The following MEGF6 variants were observed in gnomAD, a reference collection of about 807,000 sequenced individuals.
MEGF6 encodes the protein multiple epidermal growth factor-like domains protein 6.
In MEGF6, 184 loss-of-function variants were observed where a neutral mutation model predicts 207.1. That is an observed-to-expected ratio of 0.89 (90% CI 0.79 to 1.00). The LOEUF (loss-of-function observed/expected upper bound fraction) is 1.00, where lower values mean the gene tolerates loss of function less well. Among genes scored for constraint, MEGF6 ranks in the 50% least tolerant of loss-of-function variants. MEGF6 has a pLI of 0.00. For missense variants in MEGF6, 2,282 were observed against 2,202.9 expected (o/e 1.04, Z -0.72); for synonymous variants, 1,038 against 910.0 (o/e 1.14, Z -2.53).
chr1:3,585,451 G>T (rs1245767718), intron 3 of MEGF6, among the ~76,000 whole-genome samples: 1 of 150,528 alleles, frequency 6.6e-6, no homozygotes, highest in African/African-American at 2.5e-5. Flanking sequence ...CGCATGTCCT[G>T]TGTGTGGGTG....
chr1:3,510,169 C>T (rs1465710571), intron 10 of MEGF6, among the ~76,000 whole-genome samples, 177 bp from the exon 11 acceptor site: 1 of 152,152 alleles, frequency 6.6e-6, no homozygotes, highest in Non-Finnish European at 1.5e-5. Context: ...CTCTGGCCAT[C>T]CTCCCAGCCC....
chr1:3,494,672 T>C lies in MEGF6; in HGVS notation c.3941A>G (p.His1314Arg), dbSNP rs1431388826. Reference sequence around the variant, plus strand: ...ACAGGAGCAGCTGCCGTTGCTGGCGTGGCACAGGCCCCCATTTCTGCAGGA... The same window carrying C: ...ACAGGAGCAGCTGCCGTTGCTGGCGCGGCACAGGCCCCCATTTCTGCAGGA... Reference protein sequence around the residue: ...TCSCRNGGLCHASNGSCSCGL... With the variant: ...TCSCRNGGLCRASNGSCSCGL... Residue 1314 changes from histidine to arginine, a missense_variant, in exon 31 of 37, where the codon CAC becomes CGC. By Grantham distance (29) the His-to-Arg change is conservative. Coordinates refer to ENST00000356575, the MANE Select transcript of MEGF6 (RefSeq NM_001409.4). 6.4e-7 allele frequency: 1 copy of C among 1,570,174 alleles called. No homozygotes were observed. Among genetic ancestry groups the C allele is most frequent in the South Asian group, 1.2e-5 (1 of 85,488 alleles).
chr1:3,506,482 G>C (rs1214621203), intron 14 of MEGF6, among the ~76,000 whole-genome samples: 6 of 152,188 alleles, frequency 3.9e-5, no homozygotes, highest in Admixed American at 2.6e-4. Context: ...CCACACTGGA[G>C]AGATGCACAA....
chr1:3,493,774 G>C lies in MEGF6; in HGVS notation c.4384C>G (p.Leu1462Val), dbSNP rs1012071787. 4.3e-6 allele frequency: 7 copies of C among 1,612,122 alleles called. No homozygotes were observed. The highest frequency in any genetic ancestry group is 2.2e-5 in the East Asian group (1 of 44,866). Residue 1462 changes from leucine (L) to valine (V), a missense_variant, in exon 34 of 37, where the codon CTG (leucine) becomes GTG (valine). By Grantham distance (32) the Leu-to-Val change is conservative. Coordinates refer to ENST00000356575, the MANE Select transcript of MEGF6 (RefSeq NM_001409.4). ...CTGGGCAGGACCCCAGACTCACCCAGGTTACAGGTGGCTCCTGAGCGCCCT... is the reference window on the plus strand; with the variant it reads ...CTGGGCAGGACCCCAGACTCACCCACGTTACAGGTGGCTCCTGAGCGCCCT... The part of the protein sequence containing the change: ...PPGRSGATCN[L>V]DCRRGQFGPS...
rs748316779 is a variant in MEGF6 at position 3,488,480 on chromosome 1, A to G, written c.*2048T>C. On this transcript the variant is annotated 3_prime_UTR_variant, in exon 37 of 37. Transcript: ENST00000356575. ...GCCATTTGGGAACTGTGGTGACTGA[A>G]TATCTCAGAGCACCCTCCTGGCTTC... Among the ~76,000 whole-genome samples the G allele has an allele frequency of 3.9e-5, 6 of 152,212 alleles. No homozygotes were observed. Among genetic ancestry groups the G allele is most frequent in the African/African-American group, 9.6e-5 (4 of 41,452 alleles).
chr1:3,568,309 C>A (rs1375252634), intron 4 of MEGF6, among the ~76,000 whole-genome samples: 5 of 143,178 alleles, frequency 3.5e-5, no homozygotes, highest in Non-Finnish European at 8.0e-5. Flanking sequence ...AAAACCAAGG[C>A]CCCTGAGGGC....
In MEGF6 at chr1:3,508,542, T is replaced by G; in HGVS notation, c.1660+16A>C. On this transcript the variant is annotated intron_variant, in intron 13 of 36. Coordinates refer to ENST00000356575, the MANE Select transcript of MEGF6 (RefSeq NM_001409.4). The stretch of plus-strand genomic sequence containing the variant: ...AGGCCCCTTCCCAGCCCCCAGCCCC[T>G]GCCCAGCTGCCTCACTCTCATTGCA... 1 of 1,609,474 alleles carries G rather than the reference T, an allele frequency of 6.2e-7. No individual in the cohort carries two copies. Among genetic ancestry groups the G allele is most frequent in the Non-Finnish European group, 8.5e-7 (1 of 1,177,616 alleles).
intron 3 of MEGF6, among the ~76,000 whole-genome samples, chr1:3,592,368 C>T (rs1488063677): frequency 1.3e-5 from 2 of 152,162 alleles, no homozygotes; most frequent in Non-Finnish European, 2.9e-5. Context: ...GGCTCCCAGG[C>T]AGCCCCCCAG....
At chr1:3,549,784 C>A (rs557079996) in intron 4 of MEGF6, among the ~76,000 whole-genome samples, 2 of 152,230 alleles carry the variant, frequency 1.3e-5, no homozygotes, top group African/African-American at 4.8e-5. Flanking sequence ...CCAGCCTTCC[C>A]GTACAAGGTG....
At position 3,512,667 on chromosome 1, in the gene MEGF6, C is replaced by T. The variant is rs1325301023; in HGVS notation, c.854-539G>A. ...AAGCCCTCTCTTTTCCTACCGCTAT[C>T]GACGTGAGGTGTGACTTGCTCCTCC... On this transcript the variant is annotated intron_variant, in intron 7 of 36. Coordinates refer to ENST00000356575, the MANE Select transcript of MEGF6 (RefSeq NM_001409.4). Among the ~76,000 whole-genome samples, 3 of 152,206 alleles carry T rather than the reference C, an allele frequency of 2.0e-5. No homozygotes were observed. In the East Asian group the frequency reaches 5.8e-4, roughly 29 times the overall value.
At position 3,498,506 on chromosome 1, in the gene MEGF6, G is replaced by C. The variant is rs1640709823; in HGVS notation, c.3224-7C>G. ...ACGTCCCGGGGGAGGCACTCTACAG[G>C]AGCAGAGGCAGGCACGAGGGTGAGG... is the stretch of plus-strand genomic sequence containing the variant. On this transcript the variant is annotated splice_region_variant and splice_polypyrimidine_tract_variant and intron_variant, in intron 25 of 36. Transcript: ENST00000356575. 6.4e-7 allele frequency: 1 copy of C among 1,567,200 alleles called. No individual in the cohort carries two copies. Among genetic ancestry groups the C allele is most frequent in the Admixed American group, 1.8e-5 (1 of 55,332 alleles).
At chr1:3,526,467 G>A (rs1358048162) in intron 4 of MEGF6, among the ~76,000 whole-genome samples, 3 of 148,538 alleles carry the variant, frequency 2.0e-5, no homozygotes, top group Non-Finnish European at 4.4e-5. Flanking sequence ...GTGCAACCTC[G>A]GCTCATTGCA....
chr1:3,567,838 G>A (rs1440704657), intron 4 of MEGF6, among the ~76,000 whole-genome samples: 1 of 152,162 alleles, frequency 6.6e-6, no homozygotes, highest in African/African-American at 2.4e-5. Flanking sequence ...ACAGGTTCAT[G>A]GTAGGACCTC....
At chr1:3,600,324 C>G (rs959907305) in intron 2 of MEGF6, among the ~76,000 whole-genome samples, 3 of 152,190 alleles carry the variant, frequency 2.0e-5, no homozygotes, top group African/African-American at 7.2e-5. Context: ...CCCACCTCCA[C>G]GATGGCACCC....
At chr1:3,601,211 T>C (rs1375206701) in intron 2 of MEGF6, among the ~76,000 whole-genome samples, 1 of 152,196 alleles carries the variant, frequency 6.6e-6, no homozygotes, top group Non-Finnish European at 1.5e-5. Flanking sequence ...ACCAGCACTC[T>C]CTCCAGCCCT....
At position 3,490,539 on chromosome 1, in the gene MEGF6, CT is replaced by C. The variant is rs779067202; in HGVS notation, c.4614del (p.Ala1539ArgfsTer25). ...CGGGACTGCCTCTACTAGTGCCTCGCTGGTCCACCGCTCCGGGATGTGGGTC... is the reference window on the plus strand; with the variant it reads ...CGGGACTGCCTCTACTAGTGCCTCGCGGTCCACCGCTCCGGGATGTGGGTC... ...SSRPTSRSGG[P>X]ARH On this transcript the variant is annotated frameshift_variant, in exon 37 of 37. Coordinates refer to ENST00000356575, the MANE Select transcript of MEGF6 (RefSeq NM_001409.4). LOFTEE classifies it high-confidence loss of function. 5.6e-6 allele frequency: 9 copies of C among 1,613,092 alleles called. No individual in the cohort carries two copies. The East Asian group carries it at 2.0e-4, about 36-fold the overall frequency.
intron 26 of MEGF6, 53 bp downstream of exon 26, chr1:3,498,318 C>A: frequency 1.3e-6 from 2 of 1,561,148 alleles, no homozygotes; most frequent in East Asian, 2.3e-5. Flanking sequence ...AAGGCTGATG[C>A]CACCCCTTCC....
At chr1:3,618,106 C>A in the MEGF6 span, among the ~76,000 whole-genome samples, 1 of 152,190 alleles carries the variant, frequency 6.6e-6, no homozygotes, top group African/African-American at 2.4e-5. The surrounding 1 kb of genome is among the most constrained non-coding windows in gnomAD (Gnocchi z 4.7). Context: ...TAGACAGAGG[C>A]TCCCCCATCA....
At chr1:3,536,440 G>A (rs533925463) in intron 4 of MEGF6, among the ~76,000 whole-genome samples, 5 of 152,186 alleles carry the variant, frequency 3.3e-5, no homozygotes, top group East Asian at 1.9e-4. Flanking sequence ...TCTGGGGTGC[G>A]GAGGGCTCTG....
Sources: allele counts gnomAD v4.1 joint callset (sites outside exome capture counted in the v4.1 genomes callset), GRCh38; gene constraint gnomAD v4.1.1; non-coding constraint Gnocchi (gnomAD v3.1); transcripts MANE v1.5; gene names NCBI Gene and HGNC (gene_info 2026-07-23, HGNC 2026-07-21).